DCX: variants seen among roughly 807,000 people sequenced by gnomAD.
DCX encodes doublecortin, also known as neuronal migration protein doublecortin.
DCX carries 4 observed loss-of-function variants against 20.9 expected under a neutral mutation model. The ratio of observed to expected loss-of-function variants is 0.19; its 90% confidence interval spans 0.09 to 0.44. The LOEUF is 0.44. Among genes scored for constraint, DCX ranks in the 20% least tolerant of loss-of-function variants. The probability of loss-of-function intolerance (pLI) is 0.99; values close to 1 mark genes in which losing one functional copy is unlikely to be tolerated. For missense variants in DCX, 133 were observed against 296.9 expected, an observed-to-expected ratio of 0.45 and a Z score of 4.06; for synonymous variants, 103 against 111.4, an observed-to-expected ratio of 0.92 and a Z score of 0.47.
intron 3 of DCX, among the ~76,000 whole-genome samples, chrX:111,355,285 C>T (rs751878664): frequency 1.1e-4 from 12 of 110,219 alleles, no homozygotes; most frequent in African/African-American, 4.0e-4. Flanking sequence ...TCTTTGTATC[C>T]ACCCAGAGTC....
rs1490451435 is a variant in DCX at position 111,297,717 on chromosome X, A to G, written c.*3970T>C. ...AGTTCCCAGGAAGAGCCTTGCAGCA[A>G]GGAAAACCATGTGTTTGGACCCTTT... On this transcript the variant is annotated 3_prime_UTR_variant, in exon 7 of 7. Transcript: ENST00000636035. 1 of 111,663 alleles carries G rather than the reference A, an allele frequency of 9.0e-6. No individual in the cohort carries two copies. The highest frequency in any genetic ancestry group is 1.9e-5 in the Non-Finnish European group (1 of 53,141). 9.2% of individuals were successfully genotyped at this position (111,663 alleles called of 1,213,427 possible).
At chrX:111,307,884 A>G (rs2095049069) in intron 6 of DCX, among the ~76,000 whole-genome samples, 1 of 111,523 alleles carries the variant, frequency 9.0e-6, no homozygotes, top group African/African-American at 3.3e-5. Flanking sequence ...TTTATCTCAG[A>G]GGAAGCAGGG....
intron 3 of DCX, among the ~76,000 whole-genome samples, chrX:111,367,229 G>A (rs1924693048): frequency 9.0e-6 from 1 of 111,615 alleles, no homozygotes; most frequent in Non-Finnish European, 1.9e-5. Context: ...TATTTCATCA[G>A]GGACTGAATC....
Position 111,348,015 on chromosome X carries a change from A to G in DCX, c.706-14862T>C, listed in dbSNP as rs187952955. Among the ~76,000 whole-genome samples, 400 of 112,049 alleles carry G rather than the reference A, an allele frequency of 3.6e-3. 3 individuals are homozygous for G. The highest frequency in any genetic ancestry group is 0.012 in the African/African-American group (379 of 30,812). On this transcript the variant is annotated intron_variant, in intron 3 of 6. Transcript: ENST00000636035. ...TCCTACATAGCTTTTGCTGTTTTAC[A>G]TGTGTCAGGTGCCCTTATCTTCATT...
chrX:111,309,858 T>C (rs955451105), intron 6 of DCX, among the ~76,000 whole-genome samples: 5 of 111,821 alleles, frequency 4.5e-5, no homozygotes, highest in Non-Finnish European at 9.4e-5. Context: ...TTAAAGCAAT[T>C]GATAAAGTTT....
intron 5 of DCX, among the ~76,000 whole-genome samples, chrX:111,330,649 C>T (rs1921132305): frequency 8.9e-6 from 1 of 111,890 alleles, no homozygotes; most frequent in African/African-American, 3.2e-5. Context: ...AAAATGATGA[C>T]AACCATGAAA....
At chrX:111,304,665 A>G (rs2095041177) in intron 6 of DCX, among the ~76,000 whole-genome samples, 1 of 111,777 alleles carries the variant, frequency 8.9e-6, no homozygotes, top group African/African-American at 3.3e-5. Context: ...CTCGCTGTGA[A>G]CAGCCTTTTC....
chrX:111,374,914 G>A (rs1286620772), intron 3 of DCX, among the ~76,000 whole-genome samples: 1 of 106,059 alleles, frequency 9.4e-6, no homozygotes, highest in Non-Finnish European at 1.9e-5. Context: ...GCTATTGGCC[G>A]GCATAATACT....
chrX:111,312,108 C>T (rs891636413), intron 6 of DCX, among the ~76,000 whole-genome samples: 1 of 112,735 alleles, frequency 8.9e-6, no homozygotes. Context: ...AAGGCCAATG[C>T]AATGTGTATA....
At chrX:111,363,120 C>T (rs923000137) in intron 3 of DCX, among the ~76,000 whole-genome samples, 6 of 110,931 alleles carry the variant, frequency 5.4e-5, no homozygotes, top group African/African-American at 2.0e-4. Flanking sequence ...CCCACCTTAC[C>T]TTCCACTCAC....
rs768081351 is a variant in DCX at position 111,352,837 on chromosome X, C to CAGAGAG, written c.706-19690_706-19685dup. On this transcript the variant is annotated intron_variant, in intron 3 of 6. Coordinates refer to ENST00000636035, the MANE Select transcript of DCX (RefSeq NM_001195553.2). ...GTGAAAGCTGAGGCAGACAGACAGA[C>CAGAGAG]AGAGAGAGAGAGAGAGAGAGAGAGA... is the stretch of plus-strand genomic sequence containing the variant. Among the ~76,000 whole-genome samples, 549 of 90,127 alleles carry CAGAGAG rather than the reference C, an allele frequency of 6.1e-3. 5 individuals carry two copies. The highest frequency in any genetic ancestry group is 0.013 in the African/African-American group (304 of 23,766). 78.3% of individuals were successfully genotyped at this position (90,127 alleles called of 115,157 possible). A position where few individuals can be genotyped will look rare whatever the true frequency, so the allele number is the denominator to read the frequency against.
chrX:111,394,415 G>T (rs1603422520), intron 3 of DCX, among the ~76,000 whole-genome samples: 1 of 111,848 alleles, frequency 8.9e-6, no homozygotes, highest in Admixed American at 9.5e-5. Flanking sequence ...AATTGATTGT[G>T]GTGATGGATG....
intron 5 of DCX, among the ~76,000 whole-genome samples, chrX:111,321,843 C>A (rs762291702): frequency 3.7e-4 from 41 of 112,025 alleles, no homozygotes; most frequent in Non-Finnish European, 7.0e-4. Flanking sequence ...ACTTTCTGGG[C>A]TCAAGTTTGC....
At chrX:111,382,948 C>T (rs774092877) in intron 3 of DCX, among the ~76,000 whole-genome samples, 4 of 111,095 alleles carry the variant, frequency 3.6e-5, no homozygotes, top group Admixed American at 1.9e-4. Flanking sequence ...ATGCACTTAA[C>T]GCTCAACAAA....
chrX:111,373,247 C>T (rs771693890), intron 3 of DCX, among the ~76,000 whole-genome samples: 2 of 111,889 alleles, frequency 1.8e-5, no homozygotes, highest in Non-Finnish European at 3.8e-5. Context: ...ATCCTTCTAG[C>T]CCCAGAGGGG....
chrX:111,354,006 A>G (rs942225642), intron 3 of DCX, among the ~76,000 whole-genome samples: 8 of 112,184 alleles, frequency 7.1e-5, no homozygotes, highest in African/African-American at 2.3e-4. Flanking sequence ...TACTTACACA[A>G]TTAAGCTCGT....
At position 111,317,039 on chromosome X, in the gene DCX, A is replaced by G. The variant is rs192475835; in HGVS notation, c.947-4303T>C. Reference sequence around the variant, plus strand: ...GATTAAATGTTATTCCTATCAAACTACCAATGACATTCTTCACAGAACTAG... The same window carrying G: ...GATTAAATGTTATTCCTATCAAACTGCCAATGACATTCTTCACAGAACTAG... On this transcript the variant is annotated intron_variant, in intron 5 of 6. Coordinates refer to ENST00000636035, the MANE Select transcript of DCX (RefSeq NM_001195553.2). Among the ~76,000 whole-genome samples the G allele has an allele frequency of 3.6e-3, 404 of 112,351 alleles. 3 individuals carry two copies. Among genetic ancestry groups the G allele is most frequent in the African/African-American group, 0.012 (384 of 30,956 alleles).
chrX:111,388,542 C>CAAGTTTGGG (rs992968065), intron 3 of DCX, among the ~76,000 whole-genome samples: 4 of 112,226 alleles, frequency 3.6e-5, no homozygotes, highest in African/African-American at 1.3e-4. Context: ...GGTGTTCAAA[C>CAAGTTTGGG]AAGTTTGGGG....
rs1470049218 is a variant in DCX, at chrX:111,316,002, C to T, written c.947-3266G>A. On this transcript the variant is annotated intron_variant, in intron 5 of 6. Coordinates refer to ENST00000636035, the MANE Select transcript of DCX (RefSeq NM_001195553.2). ...CTAGATGACACGTTAGTGGGTGCAGCGCACCAGCATGGCACATGTATACAT... is the reference window on the plus strand; with the variant it reads ...CTAGATGACACGTTAGTGGGTGCAGTGCACCAGCATGGCACATGTATACAT... Among the ~76,000 whole-genome samples the T allele has an allele frequency of 1.0e-4, 6 of 57,542 alleles. 1 individual carries two copies. The highest frequency in any genetic ancestry group is 4.3e-4 in the African/African-American group (5 of 11,512). 50.0% of individuals were successfully genotyped at this position (57,542 alleles called of 115,157 possible).
Sources: gnomAD v4.1 joint callset for allele counts (sites outside exome capture counted in the v4.1 genomes callset) on GRCh38, gnomAD v4.1.1 for gene constraint, MANE v1.5 for transcripts, NCBI Gene and HGNC (gene_info 2026-07-23, HGNC 2026-07-21) for gene names.